The following ATP2C2 variants were observed in gnomAD, a reference collection of about 807,000 sequenced individuals.
The protein encoded by ATP2C2 is ATPase secretory pathway Ca2+ transporting 2, also known as calcium-transporting ATPase type 2C member 2.
Under a neutral mutation model 110.8 loss-of-function variants are expected in ATP2C2, and 171 were observed. The ratio of observed to expected loss-of-function variants is 1.54; its 90% CI spans 1.36 to 1.75. ATP2C2 has a LOEUF of 1.75. Among genes scored for constraint, ATP2C2 ranks in the 40% most tolerant of loss-of-function variants. The probability of loss-of-function intolerance (pLI) is 0.00; values close to 1 mark genes in which losing one functional copy is unlikely to be tolerated. For synonymous variants in ATP2C2, 804 were observed against 508.4 expected (o/e 1.58, Z -7.82); for missense variants, 1,963 against 1,235.0 (o/e 1.59, Z -8.84).
chr16:84,403,470 T>A (rs1182152236), intron 2 of ATP2C2, among the ~76,000 whole-genome samples: 3 of 152,082 alleles, frequency 2.0e-5, no homozygotes, highest in Non-Finnish European at 4.4e-5. Flanking sequence ...CACAATGGGC[T>A]AATTTTTAAA....
intron 23 of ATP2C2, chr16:84,459,776 A>G (rs1300284723): frequency 5.3e-6 from 3 of 568,760 alleles, no homozygotes; most frequent in Non-Finnish European, 9.4e-6. Context: ...ACACAGACAC[A>G]CTTTTCCTTA....
At chr16:84,426,011 T>A in intron 11 of ATP2C2, 1 of 586,380 alleles carries the variant, frequency 1.7e-6, no homozygotes, top group Non-Finnish European at 3.1e-6. Context: ...CAGCAAATGA[T>A]CCAGGGTGTC....
At chr16:84,433,422 TCTC>T in intron 11 of ATP2C2, among the ~76,000 whole-genome samples, 1 of 147,780 alleles carries the variant, frequency 6.8e-6, no homozygotes, top group African/African-American at 2.5e-5. Flanking sequence ...ACCAAAAAAA[TCTC>T]CTGCAGATCA....
chr16:84,459,092 G>A (rs371356141), intron 21 of ATP2C2, 28 bp from the exon 22 acceptor site: 218 of 1,613,494 alleles, frequency 1.4e-4, no homozygotes, highest in East Asian at 3.1e-4. Flanking sequence ...GGCCCGCTCC[G>A]TGAGTAAATG....
At chr16:84,437,848 C>A (rs757037880) in intron 11 of ATP2C2, among the ~76,000 whole-genome samples, 16 of 152,320 alleles carry the variant, frequency 1.1e-4, no homozygotes, top group South Asian at 4.1e-4. Flanking sequence ...AAAAAGAAAC[C>A]CTGTGCCCTT....
At chr16:84,459,069 C>T (rs59248099) in intron 21 of ATP2C2, 51 bp from the exon 22 acceptor site, 2 of 1,597,204 alleles carry the variant, frequency 1.3e-6, no homozygotes, top group Admixed American at 3.3e-5. Flanking sequence ...TGCACTGGTC[C>T]AGCCCTCACG....
At chr16:84,445,312 G>C (rs1045076259) in intron 15 of ATP2C2, among the ~76,000 whole-genome samples, 3 of 151,606 alleles carry the variant, frequency 2.0e-5, no homozygotes, top group African/African-American at 7.3e-5. Context: ...AGGTTCAAGC[G>C]ATTCTCCTGC....
chr16:84,399,174 T>G (rs1905171158), intron 2 of ATP2C2, among the ~76,000 whole-genome samples: 1 of 152,200 alleles, frequency 6.6e-6, no homozygotes, highest in South Asian at 2.1e-4. Flanking sequence ...ACGTGCATAC[T>G]CAGAACCACT....
chr16:84,411,649 C>T (rs368957645), intron 6 of ATP2C2, among the ~76,000 whole-genome samples: 1 of 152,188 alleles, frequency 6.6e-6, no homozygotes, highest in African/African-American at 2.4e-5. Flanking sequence ...GCCACGTTGG[C>T]TAGGCTCGTC....
intron 2 of ATP2C2, among the ~76,000 whole-genome samples, chr16:84,401,067 A>G (rs1345621799): frequency 6.6e-6 from 1 of 151,968 alleles, no homozygotes; most frequent in African/African-American, 2.4e-5. Flanking sequence ...AAGCCTTTTA[A>G]CTTGATGTGA....
chr16:84,379,029 T>C (rs964892779), intron 1 of ATP2C2, among the ~76,000 whole-genome samples: 7 of 152,028 alleles, frequency 4.6e-5, no homozygotes, highest in African/African-American at 1.2e-4. Flanking sequence ...GTTTGTTACA[T>C]AGGTAAACAT....
chr16:84,445,311 C>T (rs949306855), intron 15 of ATP2C2, among the ~76,000 whole-genome samples: 1 of 151,776 alleles, frequency 6.6e-6, no homozygotes, highest in Non-Finnish European at 1.5e-5. Context: ...CAGGTTCAAG[C>T]GATTCTCCTG....
intron 1 of ATP2C2, among the ~76,000 whole-genome samples, chr16:84,391,132 A>AAAAG (rs1031717046): frequency 6.7e-6 from 1 of 149,492 alleles, no homozygotes; most frequent in Non-Finnish European, 1.5e-5. Flanking sequence ...AAAAAAAAAA[A>AAAAG]AAGAAGAAGA....
intron 1 of ATP2C2, among the ~76,000 whole-genome samples, chr16:84,376,824 A>G (rs952980516): frequency 7.9e-5 from 12 of 152,218 alleles, no homozygotes; most frequent in African/African-American, 2.7e-4. Context: ...ATGAAGCCTC[A>G]AGGCCAACAC....
chr16:84,422,626 CAG>C lies in ATP2C2; in HGVS notation c.775-2_775-1del, dbSNP rs777622047. Reference sequence around the variant, plus strand: ...TTCATACTTCTCTCTCTCCTGGACACAGGGGGTCGTGATTGGAACAGGGGAAA... The same window carrying C: ...TTCATACTTCTCTCTCTCCTGGACACGGGGTCGTGATTGGAACAGGGGAAA... On this transcript the variant is annotated splice_acceptor_variant, in intron 8 of 26. Coordinates refer to ENST00000262429, the MANE Select transcript of ATP2C2 (RefSeq NM_014861.4). LOFTEE classifies it high-confidence loss of function. The C allele has an allele frequency of 3.5e-5, 56 of 1,612,598 alleles. No individual in the cohort carries two copies. The highest frequency in any genetic ancestry group is 4.2e-5 in the Non-Finnish European group (49 of 1,179,496).
In ATP2C2 at chr16:84,460,708, G is replaced by A. The variant is rs767015330; in HGVS notation, c.2388G>A (p.Val796=). ...KDAFRQPPRS[V]RDTILSRALI... Reference sequence around the variant, plus strand: ...CCTTCAGGCAGCCACCACGGAGTGTGCGGGACACCATCCTCAGCAGAGCCC... The same window carrying A: ...CCTTCAGGCAGCCACCACGGAGTGTACGGGACACCATCCTCAGCAGAGCCC... Residue 796 remains valine (V), a synonymous_variant, in exon 24 of 27, where the codon GTG becomes GTA. Coordinates refer to ENST00000262429, the MANE Select transcript of ATP2C2 (RefSeq NM_014861.4). 4.3e-6 allele frequency: 7 copies of A among 1,614,118 alleles called. No individual in the cohort carries two copies. Among genetic ancestry groups the A allele is most frequent in the East Asian group, 2.2e-5 (1 of 44,896 alleles).
At chr16:84,411,593 C>T (rs950488800) in intron 6 of ATP2C2, among the ~76,000 whole-genome samples, 1 of 152,054 alleles carries the variant, frequency 6.6e-6, no homozygotes, top group African/African-American at 2.4e-5. Context: ...AGGCATGCAC[C>T]ACTACACCTG....
intron 1 of ATP2C2, among the ~76,000 whole-genome samples, chr16:84,393,501 G>T (rs1904784356): frequency 6.6e-6 from 1 of 152,196 alleles, no homozygotes; most frequent in Non-Finnish European, 1.5e-5. Flanking sequence ...ATGACCTGGA[G>T]ATCTGGCTGA....
chr16:84,453,016 C>G (rs1910436839), intron 18 of ATP2C2, 122 bp from the exon 19 acceptor site: 1 of 984,708 alleles, frequency 1.0e-6, no homozygotes, highest in Non-Finnish European at 1.5e-6. Context: ...CATGGTAGGT[C>G]CTCAGTAAAC....
Sources: gnomAD v4.1 joint callset for allele counts (sites outside exome capture counted in the v4.1 genomes callset) on GRCh38, gnomAD v4.1.1 for gene constraint, MANE v1.5 for transcripts, NCBI Gene and HGNC (gene_info 2026-07-23, HGNC 2026-07-21) for gene names.